TSC2: variants seen among roughly 807,000 people sequenced by gnomAD.
The protein encoded by TSC2 is tuberin.
In TSC2, 29 loss-of-function variants were observed where a neutral mutation model predicts 202.2. That is an observed-to-expected ratio of 0.14 (90% CI 0.11 to 0.20). TSC2 has a LOEUF of 0.20. Among genes scored for constraint, TSC2 ranks in the 10% least tolerant of loss-of-function variants. The pLI, the probability that TSC2 is intolerant of heterozygous loss-of-function variation, is 1.00. For missense variants in TSC2, 2,429 were observed against 2,420.0 expected, an observed-to-expected ratio of 1.00 and a Z score of -0.08; for synonymous variants, 1,349 against 1,044.0, an observed-to-expected ratio of 1.29 and a Z score of -5.63.
chr16:2,054,153 A>C (rs1434139943), intron 4 of TSC2, 143 bp from the exon 5 acceptor site: 2 of 1,315,472 alleles, frequency 1.5e-6, no homozygotes, highest in Non-Finnish European at 2.2e-6. Context: ...CTGATGCTGC[A>C]GACCTGTCTC....
intron 16 of TSC2, among the ~76,000 whole-genome samples, chr16:2,069,412 G>C (rs2087877894): frequency 6.6e-6 from 1 of 151,978 alleles, no homozygotes; most frequent in African/African-American, 2.4e-5. Context: ...CGCCTCCTGG[G>C]TTCAAGCGAT....
chr16:2,088,562 G>T lies in TSC2; in HGVS notation c.5376G>T (p.Gln1792His). ...AEPTPGYEVG[Q>H]RKRLISSVED... ...CCACACCTGGCTATGAGGTGGGCCA[G>T]CGGAAGCGCCTCATCTCCTCGGTGG... Residue 1792 changes from glutamine to histidine, a missense_variant, in exon 42 of 42, where the codon CAG (glutamine) becomes CAT (histidine). Physicochemically the swap from Gln to His is conservative, Grantham distance 24. Coordinates refer to ENST00000219476, the MANE Select transcript of TSC2 (RefSeq NM_000548.5). The T allele has an allele frequency of 6.2e-7, 1 of 1,610,700 alleles. No individual in the cohort carries two copies. The highest frequency in any genetic ancestry group is 2.2e-5 in the East Asian group (1 of 44,882).
At chr16:2,087,802 G>C (rs577855071) in intron 38 of TSC2, 61 bp from the exon 39 acceptor site, 1 of 1,585,248 alleles carries the variant, frequency 6.3e-7, no homozygotes, top group East Asian at 2.3e-5. Context: ...CCAGGCAGTA[G>C]CCGAGATCAG....
chr16:2,088,645 G>C lies in TSC2; in HGVS notation c.*35G>C. The C allele has an allele frequency of 6.3e-7, 1 of 1,583,958 alleles. No homozygotes were observed. ...CCTCCCTCCTGCACTGGCCTTGGACGGTATTGCCTGTCAGTGAAATAAATA... is the reference window on the plus strand; with the variant it reads ...CCTCCCTCCTGCACTGGCCTTGGACCGTATTGCCTGTCAGTGAAATAAATA... On this transcript the variant is annotated 3_prime_UTR_variant, in exon 42 of 42. Transcript: ENST00000219476.
Position 2,086,908 on chromosome 16 carries a change from C to T in TSC2, c.4989+37C>T, listed in dbSNP as rs1257993210. The T allele has an allele frequency of 3.2e-6, 5 of 1,555,172 alleles. No individual in the cohort carries two copies. The African/African-American group carries it at 6.8e-5, about 21-fold the overall frequency. ...GCCGTCAGTGAGGCTGGGCCCCAGGCAGGTGCCCACTGCTGTGTCCCGGGT... is the reference window on the plus strand; with the variant it reads ...GCCGTCAGTGAGGCTGGGCCCCAGGTAGGTGCCCACTGCTGTGTCCCGGGT... On this transcript the variant is annotated intron_variant, in intron 38 of 41. Transcript: ENST00000219476.
chr16:2,055,272 G>A (rs1431441604), intron 5 of TSC2, 130 bp from the exon 6 acceptor site: 2 of 797,666 alleles, frequency 2.5e-6, no homozygotes, highest in Non-Finnish European at 4.4e-6. Context: ...TCTGTCTGTT[G>A]CTGCCGGGGG....
At position 2,085,229 on chromosome 16, in the gene TSC2, G is replaced by A. The variant is rs777985056; in HGVS notation, c.4570-1G>A. On this transcript the variant is annotated splice_acceptor_variant, in intron 35 of 41. Transcript: ENST00000219476. LOFTEE classifies it high-confidence loss of function. ...CTCAGGCAGGGCTCTGTGTGCCACA[G>A]TCACAGTCCTTTGAGCGGTCGGTGC... is the stretch of plus-strand genomic sequence containing the variant. 3.1e-6 allele frequency: 5 copies of A among 1,612,730 alleles called. No homozygotes were observed. Among genetic ancestry groups the A allele is most frequent in the Non-Finnish European group, 8.5e-7 (1 of 1,179,920 alleles).
At chr16:2,056,912 G>C in intron 8 of TSC2, 143 bp downstream of exon 8, 1 of 1,482,272 alleles carries the variant, frequency 6.7e-7, no homozygotes, top group Non-Finnish European at 9.3e-7. Context: ...CATTTTCCCA[G>C]GCAGTTGAGC....
At chr16:2,070,776 G>A (rs1423058831) in intron 17 of TSC2, among the ~76,000 whole-genome samples, 198 bp downstream of exon 17, 2 of 152,250 alleles carry the variant, frequency 1.3e-5, no homozygotes, top group African/African-American at 4.8e-5. Flanking sequence ...CACATCTGTG[G>A]CTTGTCGCTC....
Position 2,063,961 on chromosome 16 carries a change from G to A in TSC2, c.1444-311G>A, listed in dbSNP as rs1030532449. The A allele has an allele frequency of 1.3e-5, 6 of 479,400 alleles. No homozygotes were observed. The Admixed American group carries it at 1.3e-4, about 11-fold the overall frequency. 29.7% of individuals were successfully genotyped at this position (479,400 alleles called of 1,614,324 possible). A position where few individuals can be genotyped will look rare whatever the true frequency, so the allele number is the denominator to read the frequency against. The stretch of plus-strand genomic sequence containing the variant: ...ACACGCACAGCACCATGTGGGAGGG[G>A]TTCTCGGCTGTGACAGTGAAGGGCA... On this transcript the variant is annotated intron_variant, in intron 14 of 41. Transcript: ENST00000219476.
intron 13 of TSC2, 108 bp downstream of exon 13, chr16:2,062,708 T>C: frequency 8.1e-7 from 1 of 1,234,578 alleles, no homozygotes; most frequent in Non-Finnish European, 1.2e-6. Context: ...GGCCCTCCCC[T>C]CTGCCTCTGG....
At chr16:2,053,611 G>A (rs1333768313) in intron 4 of TSC2, 159 bp downstream of exon 4, 1 of 741,786 alleles carries the variant, frequency 1.3e-6, no homozygotes, top group African/African-American at 1.7e-5. Context: ...GGGTCTCCTG[G>A]TGTCATGAGG....
Position 2,063,058 on chromosome 16 carries a change from G to A in TSC2, c.1443+5G>A, listed in dbSNP as rs1057521562. On this transcript the variant is annotated splice_donor_5th_base_variant and intron_variant, in intron 14 of 41. Coordinates refer to ENST00000219476, the MANE Select transcript of TSC2 (RefSeq NM_000548.5). ...ATCAACAGGCAGTTCTATGAGGTGC[G>A]TGTCCAGGCGGCCGCAGCTGGGGGC... 2 of 1,551,462 alleles carry A rather than the reference G, an allele frequency of 1.3e-6. No individual in the cohort carries two copies. The highest frequency in any genetic ancestry group is 2.4e-5 in the East Asian group (1 of 40,918).
chr16:2,086,484 C>G (rs951606198), intron 37 of TSC2, 105 bp downstream of exon 37: 2 of 1,491,656 alleles, frequency 1.3e-6, no homozygotes, highest in South Asian at 1.2e-5. Flanking sequence ...GCACCCCCAC[C>G]TGCTCCAGCT....
In TSC2 at chr16:2,082,505, G is replaced by T. The variant is rs2090268989; in HGVS notation, c.3883+1G>T. ...CTGCACAGGAGCGTTTCCTGGGCAG[G>T]TATCGCCTCTCAGAGGGAAGCGGTT... On this transcript the variant is annotated splice_donor_variant, in intron 32 of 41. Coordinates refer to ENST00000219476, the MANE Select transcript of TSC2 (RefSeq NM_000548.5). LOFTEE classifies it high-confidence loss of function. The T allele has an allele frequency of 1.2e-6, 2 of 1,611,224 alleles. No homozygotes were observed. The highest frequency in any genetic ancestry group is 1.7e-5 in the Admixed American group (1 of 60,008).
At position 2,072,687 on chromosome 16, in the gene TSC2, A is replaced by G. The variant is rs566242985; in HGVS notation, c.2221-162A>G. 3,736 of 1,195,030 alleles carry G rather than the reference A, an allele frequency of 3.1e-3. 7 individuals are homozygous for G. Among genetic ancestry groups the G allele is most frequent in the Non-Finnish European group, 4.1e-3 (3,438 of 844,422 alleles). The allele number at this position is 1,195,030 out of a possible 1,614,324, so 74.0% of individuals were successfully genotyped here. On this transcript the variant is annotated intron_variant, in intron 20 of 41. Coordinates refer to ENST00000219476, the MANE Select transcript of TSC2 (RefSeq NM_000548.5). ...GGTGTGTTACTTGGCAGGCACTCCC[A>G]CCACTCCGAAAGGGAGGCCCTTCCT...
At position 2,074,516 on chromosome 16, in the gene TSC2, G is replaced by T. The variant is rs1237294200; in HGVS notation, c.2545+127G>T. On this transcript the variant is annotated intron_variant, in intron 22 of 41. Transcript: ENST00000219476. ...GGTGTCTCGCCTTCTGCTGCCTCAG[G>T]GCCTGGGCGTCTCTGCCCGGCTGCC... 7 of 1,224,084 alleles carry T rather than the reference G, an allele frequency of 5.7e-6. No individual in the cohort carries two copies. In the Admixed American group the frequency reaches 1.2e-4, roughly 21 times the overall value. The allele number at this position is 1,224,084 out of a possible 1,614,324, so 75.8% of individuals were successfully genotyped here. A position where few individuals can be genotyped will look rare whatever the true frequency, so the allele number is the denominator to read the frequency against.
chr16:2,082,345 T>C (rs1018088385), intron 31 of TSC2, 91 bp from the exon 32 acceptor site: 5 of 1,475,892 alleles, frequency 3.4e-6, no homozygotes, highest in Non-Finnish European at 4.7e-6. Flanking sequence ...CTGCCCTCTC[T>C]CCTCTGCAGG....
rs2084599456 is a variant in TSC2 at position 2,048,227 on chromosome 16, C to A, written c.-30+162C>A. 5 of 1,456,506 alleles carry A rather than the reference C, an allele frequency of 3.4e-6. No homozygotes were observed. The African/African-American group carries it at 4.2e-5, about 12-fold the overall frequency. 90.2% of individuals were successfully genotyped at this position (1,456,506 alleles called of 1,614,324 possible). A position where few individuals can be genotyped will look rare whatever the true frequency, so the allele number is the denominator to read the frequency against. On this transcript the variant is annotated intron_variant, in intron 1 of 41. Transcript: ENST00000219476. Reference sequence around the variant, plus strand: ...AGTTTTAAGTCATGGCGGGTGCGAACGGGTCTCTGCTGCAGGCGGCTCCGT... The same window carrying A: ...AGTTTTAAGTCATGGCGGGTGCGAAAGGGTCTCTGCTGCAGGCGGCTCCGT...
Sources: gnomAD v4.1 joint callset for allele counts (sites outside exome capture counted in the v4.1 genomes callset) on GRCh38, gnomAD v4.1.1 for gene constraint, MANE v1.5 for transcripts, NCBI Gene and HGNC (gene_info 2026-07-23, HGNC 2026-07-21) for gene names.